The following DCUN1D2 variants were observed in gnomAD, a reference collection of about 807,000 sequenced individuals.
DCUN1D2 encodes the protein defective in cullin neddylation 1 domain containing 2.
In DCUN1D2, 29 loss-of-function variants were observed where a neutral mutation model predicts 30.9. That is an observed-to-expected ratio of 0.94 (90% confidence interval 0.70 to 1.28). The LOEUF (loss-of-function observed/expected upper bound fraction) is 1.28. Among genes scored for constraint, DCUN1D2 ranks in the 50% most tolerant of loss-of-function variants. The probability of loss-of-function intolerance (pLI) is 0.00; values close to 1 mark genes in which losing one functional copy is unlikely to be tolerated. For missense variants in DCUN1D2, 325 were observed against 316.9 expected (o/e 1.03, Z -0.19); for synonymous variants, 121 against 115.3 (o/e 1.05, Z -0.32).
upstream of DCUN1D2, chr13:113,490,794 GACTCCC>G: frequency 1.1e-6 from 1 of 909,862 alleles, no homozygotes. This position sits in a 1 kb window ranked among gnomAD's most constrained non-coding sequence, Gnocchi z 5.2. Context: ...CGGCCGCGGG[GACTCCC>G]ACTCCCGGCA....
At chr13:113,464,003 T>C (rs1462462622) in intron 4 of DCUN1D2, among the ~76,000 whole-genome samples, 1 of 152,236 alleles carries the variant, frequency 6.6e-6, no homozygotes, top group Non-Finnish European at 1.5e-5. Flanking sequence ...ACGGCTCTAC[T>C]TCTGGGCTAT....
chr13:113,474,328 G>A, intron 3 of DCUN1D2, 74 bp from the exon 4 acceptor site: 2 of 1,557,266 alleles, frequency 1.3e-6, no homozygotes, highest in African/African-American at 1.4e-5. Flanking sequence ...CCCTGTGCAG[G>A]AACTGTGACC....
Position 113,458,091 on chromosome 13 carries a change from T to A in DCUN1D2, c.718A>T (p.Ile240Leu). ...YDEEGAWPVL[I>L]DDFVEYARPV... Reference sequence around the variant, plus strand: ...CGTGCATATTCTACAAAATCATCTATAAGAACGGGCCAAGCTCCTAAAGGA... The same window carrying A: ...CGTGCATATTCTACAAAATCATCTAAAAGAACGGGCCAAGCTCCTAAAGGA... Residue 240 changes from isoleucine (I) to leucine (L), a missense_variant, in exon 7 of 7, where the codon ATA (isoleucine) becomes TTA (leucine). Transcript: ENST00000478244. 1 of 1,614,176 alleles carries A rather than the reference T, an allele frequency of 6.2e-7. No homozygotes were observed. Among genetic ancestry groups the A allele is most frequent in the South Asian group, 1.1e-5 (1 of 91,084 alleles).
intron 3 of DCUN1D2, among the ~76,000 whole-genome samples, chr13:113,474,651 C>T (rs1258616415): frequency 6.6e-6 from 1 of 152,216 alleles, no homozygotes; most frequent in Non-Finnish European, 1.5e-5. Flanking sequence ...CGTGGTCTAA[C>T]TTGGTAGCTT....
chr13:113,474,212 C>T lies in DCUN1D2; in HGVS notation c.432G>A (p.Leu144=), dbSNP rs1182069347. ...TGGCTGTGTCCTTCAGCTCCTGCTC[C>T]AGTCTTGGCAGAAGAGCCTTTAGCT... ...MEKLKALLPR[L]EQELKDTAKF... Residue 144 remains leucine, a synonymous_variant, in exon 4 of 7, where the codon CTG becomes CTA. Transcript: ENST00000478244. 1 of 1,614,128 alleles carries T rather than the reference C, an allele frequency of 6.2e-7. No individual in the cohort carries two copies. The highest frequency in any genetic ancestry group is 8.5e-7 in the Non-Finnish European group (1 of 1,179,972).
intron 4 of DCUN1D2, among the ~76,000 whole-genome samples, chr13:113,468,590 CGA>C (rs1245094780): frequency 2.0e-5 from 3 of 151,996 alleles, no homozygotes; most frequent in Non-Finnish European, 4.4e-5. Context: ...GGTTTAAACG[CGA>C]GACGTGCCAC....
chr13:113,469,796 G>A (rs549993193), intron 4 of DCUN1D2, among the ~76,000 whole-genome samples: 15 of 152,194 alleles, frequency 9.9e-5, no homozygotes, highest in African/African-American at 2.9e-4. Context: ...CTATGATCGC[G>A]CCACTCCACT....
chr13:113,470,870 A>G (rs1238880372), intron 4 of DCUN1D2, among the ~76,000 whole-genome samples: 233 of 83,330 alleles, frequency 2.8e-3, no homozygotes, highest in Admixed American at 3.0e-3. Flanking sequence ...ATCCACAGGG[A>G]ACCCAGCTCC....
In DCUN1D2 at chr13:113,480,325, AAAG is replaced by A. The variant is rs1171411088; in HGVS notation, c.389+247_389+249del. Reference sequence around the variant, plus strand: ...CAAAATTGGAAAGGAAAAAACTCAAAAAGAAGAAAATGAGTTACAAAAGGGATT... The same window carrying A: ...CAAAATTGGAAAGGAAAAAACTCAAAAAGAAAATGAGTTACAAAAGGGATT... On this transcript the variant is annotated intron_variant, in intron 3 of 6. Transcript: ENST00000478244. The A allele has an allele frequency of 3.7e-5, 12 of 327,366 alleles. No homozygotes were observed. In the East Asian group the frequency reaches 4.9e-4, roughly 13 times the overall value. The allele number at this position is 327,366 out of a possible 1,614,324, so 20.3% of individuals were successfully genotyped here.
intron 3 of DCUN1D2, among the ~76,000 whole-genome samples, chr13:113,477,932 C>G (rs1025424356): frequency 6.6e-6 from 1 of 152,128 alleles, no homozygotes; most frequent in African/African-American, 2.4e-5. Context: ...TTTCCTGATA[C>G]TGTGTGTAGG....
At chr13:113,485,461 G>A (rs1169453010) in intron 1 of DCUN1D2, among the ~76,000 whole-genome samples, 1 of 152,156 alleles carries the variant, frequency 6.6e-6, no homozygotes, top group Non-Finnish European at 1.5e-5. Flanking sequence ...AAGAAAACAC[G>A]ATTAGTTAGG....
rs1463195414 is a variant in DCUN1D2 at position 113,455,831 on chromosome 13, C to G, written c.*2198G>C. 1 of 162,350 alleles carries G rather than the reference C, an allele frequency of 6.2e-6. No homozygotes were observed. The highest frequency in any genetic ancestry group is 1.3e-5 in the Non-Finnish European group (1 of 75,264). The allele number at this position is 162,350 out of a possible 1,614,324, so 10.1% of individuals were successfully genotyped here. ...AAAGGAAACCACGCCCGAGAAAAAC[C>G]AATTTAATGCTTCTGTTCTCAGCAT... is the stretch of plus-strand genomic sequence containing the variant. On this transcript the variant is annotated 3_prime_UTR_variant, in exon 7 of 7. Coordinates refer to ENST00000478244, the MANE Select transcript of DCUN1D2 (RefSeq NM_001014283.2).
At chr13:113,478,149 A>G (rs1208176799) in intron 3 of DCUN1D2, among the ~76,000 whole-genome samples, 1 of 152,252 alleles carries the variant, frequency 6.6e-6, no homozygotes, top group Non-Finnish European at 1.5e-5. Flanking sequence ...GGAGTTTGGT[A>G]GGATGTGCCA....
chr13:113,477,826 C>T (rs755207293), intron 3 of DCUN1D2, among the ~76,000 whole-genome samples: 55 of 151,430 alleles, frequency 3.6e-4, no homozygotes, highest in Non-Finnish European at 2.1e-4. Flanking sequence ...GACTCTGTAA[C>T]ATTAAACGGA....
chr13:113,487,156 A>G (rs1418805491), intron 1 of DCUN1D2, among the ~76,000 whole-genome samples: 1 of 152,220 alleles, frequency 6.6e-6, no homozygotes, highest in African/African-American at 2.4e-5. Context: ...AGATACAGCT[A>G]GAGTCTTTTT....
chr13:113,463,717 CACACACACAGATACACATAG>C (rs1358977032), intron 4 of DCUN1D2, among the ~76,000 whole-genome samples: 2 of 152,068 alleles, frequency 1.3e-5, no homozygotes, highest in African/African-American at 2.4e-5. Flanking sequence ...GTACAATCTT[CACACACACAGATACACATAG>C]ACACACACAG....
rs376917376 is a variant in DCUN1D2, at chr13:113,478,613, T to C, written c.389+1962A>G. Among the ~76,000 whole-genome samples, 8 of 152,328 alleles carry C rather than the reference T, an allele frequency of 5.3e-5. No homozygotes were observed. The East Asian group carries it at 1.5e-3, about 29-fold the overall frequency. On this transcript the variant is annotated intron_variant, in intron 3 of 6. Transcript: ENST00000478244. ...TTTCCTTCTTTCTAAAATATGCATT[T>C]AATAAGCTGAATTCTACAAGCTTAC... is the stretch of plus-strand genomic sequence containing the variant.
chr13:113,482,772 G>A (rs929293479), intron 2 of DCUN1D2, among the ~76,000 whole-genome samples: 34 of 152,140 alleles, frequency 2.2e-4, no homozygotes, highest in African/African-American at 6.3e-4. Context: ...GTGAAACCCC[G>A]TCTCTACTAA....
intron 6 of DCUN1D2, 99 bp from the exon 7 acceptor site, chr13:113,458,207 C>A: frequency 9.8e-7 from 1 of 1,019,828 alleles, no homozygotes; most frequent in Non-Finnish European, 1.5e-6. Flanking sequence ...TTCAAGAACC[C>A]AAATGACTTG....
Sources: allele counts gnomAD v4.1 joint callset (sites outside exome capture counted in the v4.1 genomes callset), GRCh38; gene constraint gnomAD v4.1.1; non-coding constraint Gnocchi (gnomAD v3.1); transcripts MANE v1.5; gene names NCBI Gene and HGNC (gene_info 2026-07-23, HGNC 2026-07-21).